HIPK2: variants seen among roughly 807,000 people sequenced by gnomAD.
The protein encoded by HIPK2 is homeodomain interacting protein kinase 2.
HIPK2 carries 27 observed loss-of-function variants against 113.7 expected under a neutral mutation model. That is an observed-to-expected ratio of 0.24 (90% confidence interval 0.17 to 0.33). HIPK2 has a LOEUF of 0.33. HIPK2 is among the 10% of genes least tolerant of loss of function. The pLI is 1.00. For synonymous variants in HIPK2, 631 were observed against 642.2 expected, an observed-to-expected ratio of 0.98 and a Z score of 0.26; for missense variants, 1,257 against 1,588.0, an observed-to-expected ratio of 0.79 and a Z score of 3.54.
rs550306178 is a variant in HIPK2 at position 139,565,601 on chromosome 7, G to C, written c.*7326C>G. On this transcript the variant is annotated 3_prime_UTR_variant, in exon 15 of 15. Coordinates refer to ENST00000406875, the MANE Select transcript of HIPK2 (RefSeq NM_022740.5). Reference sequence around the variant, plus strand: ...CTTCCTTTTATCATGAAAGCTGGCTGGTTTTCCTGTTTATACAATTGTTGC... The same window carrying C: ...CTTCCTTTTATCATGAAAGCTGGCTCGTTTTCCTGTTTATACAATTGTTGC... 6.6e-6 allele frequency: 1 copy of C among 152,156 alleles called. No homozygotes were observed. The highest frequency in any genetic ancestry group is 2.4e-5 in the African/African-American group (1 of 41,518). The allele number at this position is 152,156 out of a possible 1,614,324, so 9.4% of individuals were successfully genotyped here. A position where few individuals can be genotyped will look rare whatever the true frequency, so the allele number is the denominator to read the frequency against.
At chr7:139,747,949 G>T (rs1796215777) in intron 1 of HIPK2, among the ~76,000 whole-genome samples, 1 of 152,210 alleles carries the variant, frequency 6.6e-6, no homozygotes, top group Non-Finnish European at 1.5e-5. Flanking sequence ...GAGAGAGGGT[G>T]GACCGAGAGA....
chr7:139,638,372 G>A (rs1408224219), intron 2 of HIPK2, among the ~76,000 whole-genome samples: 3 of 151,894 alleles, frequency 2.0e-5, no homozygotes, highest in Admixed American at 6.6e-5. Context: ...AACAGACACT[G>A]CCCACTGTCT....
intron 1 of HIPK2, among the ~76,000 whole-genome samples, chr7:139,732,200 T>G (rs966491750): frequency 6.6e-6 from 1 of 152,186 alleles, no homozygotes; most frequent in Non-Finnish European, 1.5e-5. Context: ...TGCTTTTGTG[T>G]GTGTGTTTGT....
At chr7:139,681,243 T>G (rs2116708375) in intron 2 of HIPK2, among the ~76,000 whole-genome samples, 1 of 152,316 alleles carries the variant, frequency 6.6e-6, no homozygotes, top group Admixed American at 6.5e-5. Context: ...GCTTTTAGCT[T>G]TTCATTCTTT....
chr7:139,698,091 C>A (rs909860543), intron 2 of HIPK2, among the ~76,000 whole-genome samples: 7 of 152,164 alleles, frequency 4.6e-5, no homozygotes, highest in African/African-American at 1.7e-4. Flanking sequence ...TCTTGAACTC[C>A]TGGCCTCAAG....
chr7:139,762,041 A>T (rs962685918), intron 1 of HIPK2, among the ~76,000 whole-genome samples: 1 of 152,170 alleles, frequency 6.6e-6, no homozygotes, highest in East Asian at 1.9e-4. Flanking sequence ...TCTGTACTAA[A>T]TACATAAAAA....
intron 1 of HIPK2, among the ~76,000 whole-genome samples, chr7:139,769,984 C>T (rs915613311): frequency 4.6e-5 from 7 of 152,134 alleles, no homozygotes; most frequent in South Asian, 2.1e-4. Context: ...GGGAAAAGGC[C>T]GAAAGCACGT....
Position 139,596,726 on chromosome 7 carries a change from G to T in HIPK2, c.2708C>A (p.Ala903Asp). ...GGTGGCACTGCCTCACCTGGTGGGG[G>T]CGTGTTTCTGTTCCTCCTCCTCGTC... ...DTDEEEEQKH[A>D]PTSTVSKQRK... The change falls in exon 12 of 15, where the codon GCC (alanine) becomes GAC (aspartate). Residue 903 changes from alanine to aspartate, a missense_variant. Physicochemically the swap from Ala to Asp is moderately radical, Grantham distance 126 (BLOSUM62 -2). Coordinates refer to ENST00000406875, the MANE Select transcript of HIPK2 (RefSeq NM_022740.5). The T allele has an allele frequency of 6.2e-7, 1 of 1,610,294 alleles. No homozygotes were observed. The highest frequency in any genetic ancestry group is 8.5e-7 in the Non-Finnish European group (1 of 1,176,660).
chr7:139,776,414 T>C (rs182123914), intron 1 of HIPK2, among the ~76,000 whole-genome samples: 1 of 147,738 alleles, frequency 6.8e-6, no homozygotes, highest in East Asian at 1.9e-4. Context: ...GATTTTCTTT[T>C]AAGTTTTTTT....
chr7:139,573,049 G>A lies in HIPK2; in HGVS notation c.3475C>T (p.His1159Tyr), dbSNP rs1798353042. 3 of 1,612,472 alleles carry A rather than the reference G, an allele frequency of 1.9e-6. No individual in the cohort carries two copies. Among genetic ancestry groups the A allele is most frequent in the Admixed American group, 1.7e-5 (1 of 59,756 alleles). ...AATTGGGCTGGATACTGACTCGGGTGGATGGTGGGCGAGGGCAGGACCCGG... is the reference window on the plus strand; with the variant it reads ...AATTGGGCTGGATACTGACTCGGGTAGATGGTGGGCGAGGGCAGGACCCGG... ...GPRVLPSPTI[H>Y]PSQYPAQFAH... The change falls in exon 15 of 15, where the codon CAC becomes TAC. Residue 1159 changes from histidine (H) to tyrosine (Y), a missense_variant. Physicochemically the swap from His to Tyr is moderately conservative, Grantham distance 83. Transcript: ENST00000406875.
chr7:139,647,262 C>T (rs758963841), intron 2 of HIPK2, among the ~76,000 whole-genome samples: 17 of 152,012 alleles, frequency 1.1e-4, no homozygotes, highest in Non-Finnish European at 1.5e-4. Context: ...GTGAGAGGGT[C>T]GGTGTCTGCA....
At position 139,716,238 on chromosome 7, in the gene HIPK2, C is replaced by T. The variant is rs756842940; in HGVS notation, c.797G>A (p.Cys266Tyr). 1 of 1,614,052 alleles carries T rather than the reference C, an allele frequency of 6.2e-7. No homozygotes were observed. The highest frequency in any genetic ancestry group is 8.5e-7 in the Non-Finnish European group (1 of 1,179,926). The stretch of plus-strand genomic sequence containing the variant: ...GCACGTGTGGTTCTTGTGCTGGAAG[C>T]ATTCGTAGGCCCGGACGAAGTTATA... ...DDYNFVRAYE[C>Y]FQHKNHTCLV... The change falls in exon 2 of 15, where the codon TGC (cysteine) becomes TAC (tyrosine). Residue 266 changes from cysteine to tyrosine, a missense_variant. By Grantham distance (194) the Cys-to-Tyr change is radical. Coordinates refer to ENST00000406875, the MANE Select transcript of HIPK2 (RefSeq NM_022740.5). This position sits in a 1 kb window ranked among gnomAD's most constrained non-coding sequence, Gnocchi z 9.3.
chr7:139,762,562 T>A (rs1478382473), intron 1 of HIPK2, among the ~76,000 whole-genome samples: 1 of 152,218 alleles, frequency 6.6e-6, no homozygotes, highest in Non-Finnish European at 1.5e-5. Context: ...CGGATACACG[T>A]GCACACCCAT....
intron 9 of HIPK2, among the ~76,000 whole-genome samples, chr7:139,606,202 A>C (rs972495498): frequency 6.6e-6 from 1 of 152,216 alleles, no homozygotes; most frequent in African/African-American, 2.4e-5. Flanking sequence ...AATGAAGTGA[A>C]CATTTCTTAA....
chr7:139,608,419 C>T (rs1012179837), intron 9 of HIPK2, among the ~76,000 whole-genome samples: 2 of 149,280 alleles, frequency 1.3e-5, no homozygotes, highest in Non-Finnish European at 3.0e-5. Context: ...GGGGAGGAGA[C>T]ATTAAGGATG....
intron 13 of HIPK2, among the ~76,000 whole-genome samples, chr7:139,582,172 T>C (rs1471072679): frequency 1.3e-5 from 2 of 152,150 alleles, no homozygotes; most frequent in Admixed American, 6.5e-5. Flanking sequence ...CTTGTAGCCT[T>C]GTGGAAGGGA....
At chr7:139,713,432 C>T (rs915371714) in intron 2 of HIPK2, among the ~76,000 whole-genome samples, 10 of 152,216 alleles carry the variant, frequency 6.6e-5, no homozygotes, top group African/African-American at 2.4e-4. Context: ...AAGAAAAACT[C>T]GCAGAGTCCA....
chr7:139,676,188 C>T (rs1802489351), intron 2 of HIPK2, among the ~76,000 whole-genome samples: 1 of 152,218 alleles, frequency 6.6e-6, no homozygotes, highest in Non-Finnish European at 1.5e-5. Flanking sequence ...CTCCTCTCTG[C>T]TGCATCTACT....
chr7:139,652,602 C>A (rs947123314), intron 2 of HIPK2, among the ~76,000 whole-genome samples: 1 of 152,184 alleles, frequency 6.6e-6, no homozygotes, highest in Non-Finnish European at 1.5e-5. Flanking sequence ...ATGTATTGAG[C>A]ATCCATTATG....
Sources: allele counts gnomAD v4.1 joint callset (sites outside exome capture counted in the v4.1 genomes callset), GRCh38; gene constraint gnomAD v4.1.1; non-coding constraint Gnocchi (gnomAD v3.1); transcripts MANE v1.5; gene names NCBI Gene and HGNC (gene_info 2026-07-23, HGNC 2026-07-21).